The following MGAT4C variants were observed in gnomAD, a reference collection of about 807,000 sequenced individuals.
MGAT4C encodes the protein MGAT4 family member C.
In MGAT4C, 19 loss-of-function variants were observed where a neutral mutation model predicts 40.1. The ratio of observed to expected loss-of-function variants is 0.47; its 90% CI spans 0.33 to 0.70. The LOEUF is 0.70. Ranked by LOEUF, MGAT4C falls within the 30% of genes least tolerant of loss-of-function variation. The pLI is 0.02. For synonymous variants in MGAT4C, 181 were observed against 187.1 expected (o/e 0.97, Z 0.27); for missense variants, 491 against 563.2 (o/e 0.87, Z 1.30).
intron 1 of MGAT4C, among the ~76,000 whole-genome samples, chr12:86,242,071 T>C (rs917050668): frequency 2.6e-5 from 4 of 152,158 alleles, no homozygotes; most frequent in Non-Finnish European, 4.4e-5. Flanking sequence ...CACTGCCCAG[T>C]TGCCTCCCTT....
intron 2 of MGAT4C, among the ~76,000 whole-genome samples, chr12:86,537,078 G>A (rs1959084594): frequency 6.6e-6 from 1 of 152,126 alleles, no homozygotes; most frequent in Non-Finnish European, 1.5e-5. Flanking sequence ...GGGAGGACAT[G>A]GATGAAGCTG....
chr12:86,356,677 C>G (rs1203429209), intron 3 of MGAT4C, among the ~76,000 whole-genome samples: 1 of 152,144 alleles, frequency 6.6e-6, no homozygotes, highest in Non-Finnish European at 1.5e-5. Flanking sequence ...AGATTATATC[C>G]CGCGTCTGGC....
intron 1 of MGAT4C, among the ~76,000 whole-genome samples, chr12:86,781,986 CTTT>C (rs1178110112): frequency 6.6e-6 from 1 of 151,694 alleles, no homozygotes; most frequent in Non-Finnish European, 1.5e-5. Flanking sequence ...TATTCATAGA[CTTT>C]TTATTTATTT....
chr12:86,499,806 T>C (rs1490279285), intron 2 of MGAT4C, among the ~76,000 whole-genome samples: 1 of 151,930 alleles, frequency 6.6e-6, no homozygotes, highest in African/African-American at 2.4e-5. Flanking sequence ...CTTGAACAAC[T>C]AGAGAAGAGA....
chr12:86,594,424 C>T (rs541204929), intron 2 of MGAT4C, among the ~76,000 whole-genome samples: 3 of 152,264 alleles, frequency 2.0e-5, no homozygotes, highest in African/African-American at 7.2e-5. Flanking sequence ...TTATAATACT[C>T]ACCAGTTTCG....
chr12:86,361,740 C>T (rs1172195342), intron 3 of MGAT4C, among the ~76,000 whole-genome samples: 1 of 152,296 alleles, frequency 6.6e-6, no homozygotes, highest in East Asian at 1.9e-4. Context: ...AAAAAATGCT[C>T]ATCATCACTG....
intron 1 of MGAT4C, among the ~76,000 whole-genome samples, chr12:86,168,171 T>C (rs1886394355): frequency 6.6e-6 from 1 of 152,202 alleles, no homozygotes; most frequent in African/African-American, 2.4e-5. Flanking sequence ...TAAATCCCTT[T>C]TGTTCAAGTA....
At chr12:86,332,199 A>G (rs1373524810) in intron 4 of MGAT4C, among the ~76,000 whole-genome samples, 1 of 152,164 alleles carries the variant, frequency 6.6e-6, no homozygotes, top group Non-Finnish European at 1.5e-5. Flanking sequence ...CCCACAGTAA[A>G]GACTTTTGTC....
intron 1 of MGAT4C, among the ~76,000 whole-genome samples, chr12:86,208,240 C>T (rs1353024229): frequency 1.3e-5 from 2 of 152,158 alleles, no homozygotes; most frequent in African/African-American, 4.8e-5. Flanking sequence ...CCGAGGCGGG[C>T]AGATCACTTG....
At chr12:86,273,121 G>A (rs952499609) in intron 4 of MGAT4C, among the ~76,000 whole-genome samples, 12 of 152,052 alleles carry the variant, frequency 7.9e-5, no homozygotes, top group African/African-American at 2.4e-4. Context: ...AGAAATATTT[G>A]AAAAACAAGA....
intron 2 of MGAT4C, among the ~76,000 whole-genome samples, chr12:86,446,583 C>A (rs1174140230): frequency 1.4e-5 from 2 of 144,990 alleles, no homozygotes; most frequent in African/African-American, 2.5e-5. Context: ...GAATACCATG[C>A]ATTATTTTCT....
chr12:86,794,437 A>G (rs1565994676), intron 1 of MGAT4C, among the ~76,000 whole-genome samples: 1 of 151,790 alleles, frequency 6.6e-6, no homozygotes, highest in African/African-American at 2.4e-5. Context: ...TCCACAACAG[A>G]TTTCATGCTT....
chr12:86,516,486 T>A (rs1958689206), intron 2 of MGAT4C, among the ~76,000 whole-genome samples: 1 of 152,072 alleles, frequency 6.6e-6, no homozygotes, highest in African/African-American at 2.4e-5. Context: ...ATAGATAAGA[T>A]TCCAAAATGT....
rs929338917 is a variant in MGAT4C, at chr12:86,512,506, A to C, written c.-228-77241T>G. On this transcript the variant is annotated intron_variant, in intron 2 of 7. Coordinates refer to the MGAT4C transcript ENST00000548651. ...GAATGATACTTGGAGTATCATTCATAATGGCCGAAGTATGGAAATTTTTAA... is the reference window on the plus strand; with the variant it reads ...GAATGATACTTGGAGTATCATTCATCATGGCCGAAGTATGGAAATTTTTAA... Among the ~76,000 whole-genome samples the C allele has an allele frequency of 1.8e-4, 28 of 152,156 alleles. No homozygotes were observed. In the East Asian group the frequency reaches 1.9e-3, roughly 10 times the overall value.
At chr12:86,127,284 G>T (rs1454316695) in intron 1 of MGAT4C, among the ~76,000 whole-genome samples, 1 of 152,148 alleles carries the variant, frequency 6.6e-6, no homozygotes, top group Non-Finnish European at 1.5e-5. Flanking sequence ...ACAGTGGTAA[G>T]TATTTGTGTA....
At chr12:86,188,084 C>G (rs1231086675) in intron 1 of MGAT4C, among the ~76,000 whole-genome samples, 1 of 152,008 alleles carries the variant, frequency 6.6e-6, no homozygotes, top group Non-Finnish European at 1.5e-5. Flanking sequence ...TAGAGATTGA[C>G]TTTCTCTTTT....
chr12:86,072,020 A>AG (rs1868586174), intron 1 of MGAT4C, among the ~76,000 whole-genome samples: 1 of 94,556 alleles, frequency 1.1e-5, no homozygotes, highest in African/African-American at 4.7e-5. Flanking sequence ...GTTAATGCAT[A>AG]GGGTTTTGTG....
At chr12:86,805,859 TC>T (rs1322321376) in intron 1 of MGAT4C, among the ~76,000 whole-genome samples, 3 of 152,056 alleles carry the variant, frequency 2.0e-5, no homozygotes, top group African/African-American at 7.2e-5. Context: ...AGCATTCCTT[TC>T]CCTGCAGCCT....
chr12:86,093,410 A>G (rs1313380583), intron 1 of MGAT4C, among the ~76,000 whole-genome samples: 1 of 152,132 alleles, frequency 6.6e-6, no homozygotes, highest in African/African-American at 2.4e-5. Flanking sequence ...CTAAATGCTT[A>G]TGTAAGTTAT....
Sources: allele counts gnomAD v4.1 joint callset (sites outside exome capture counted in the v4.1 genomes callset), GRCh38; gene constraint gnomAD v4.1.1; transcripts MANE v1.5; gene names NCBI Gene and HGNC (gene_info 2026-07-23, HGNC 2026-07-21).